GLDC: variants seen among roughly 807,000 people sequenced by gnomAD.
The protein encoded by GLDC is glycine decarboxylase, also known as glycine dehydrogenase (decarboxylating), mitochondrial.
A neutral mutation model predicts 121.3 loss-of-function variants in GLDC; 104 were observed. The observed-to-expected ratio is 0.86, with a 90% CI of 0.73 to 1.01. The LOEUF (loss-of-function observed/expected upper bound fraction) is 1.01, where lower values mean the gene tolerates loss of function less well. Among genes scored for constraint, GLDC ranks in the 50% least tolerant of loss-of-function variants. The pLI, the probability that GLDC is intolerant of heterozygous loss-of-function variation, is 0.00. For missense variants in GLDC, 1,429 were observed against 1,306.6 expected (o/e 1.09, Z -1.44); for synonymous variants, 546 against 480.6 (o/e 1.14, Z -1.78).
At chr9:6,605,371 C>T (rs928260878) in intron 5 of GLDC, 93 bp from the exon 6 acceptor site, 1 of 1,350,752 alleles carries the variant, frequency 7.4e-7, no homozygotes, top group Non-Finnish European at 1.0e-6. Context: ...CATTCATTTT[C>T]TGTGCCCTCC....
At chr9:6,641,437 G>T (rs1255184695) in intron 2 of GLDC, among the ~76,000 whole-genome samples, 1 of 152,148 alleles carries the variant, frequency 6.6e-6, no homozygotes, top group Non-Finnish European at 1.5e-5. Flanking sequence ...GGTGAGTCAG[G>T]ACAGAAGTTT....
chr9:6,641,749 T>C (rs902435275), intron 2 of GLDC, among the ~76,000 whole-genome samples: 1 of 152,250 alleles, frequency 6.6e-6, no homozygotes, highest in Non-Finnish European at 1.5e-5. Flanking sequence ...GAGTTATGTG[T>C]AATAAGTAAC....
At chr9:6,623,008 T>C (rs527427423) in intron 2 of GLDC, 40,246 of 165,790 alleles carry the variant, frequency 0.24, 6,297 homozygotes, top group East Asian at 0.46. Flanking sequence ...GGTCAGCCCC[T>C]GCCCGGCCAG....
Position 6,598,299 on chromosome 9 carries a change from G to C in GLDC, c.1156-3180C>G, listed in dbSNP as rs193223865. Among the ~76,000 whole-genome samples the C allele has an allele frequency of 2.0e-3, 304 of 152,280 alleles. 1 individual carries two copies. The highest frequency in any genetic ancestry group is 6.9e-3 in the African/African-American group (286 of 41,556). ...TCCTGCCTTGGCCTCCTAAAGTGTTGAGATTACAGGTGTGAGCCACCGCAC... is the reference window on the plus strand; with the variant it reads ...TCCTGCCTTGGCCTCCTAAAGTGTTCAGATTACAGGTGTGAGCCACCGCAC... On this transcript the variant is annotated intron_variant, in intron 8 of 24. Transcript: ENST00000321612.
In GLDC at chr9:6,590,727, T is replaced by A. The variant is rs190772421; in HGVS notation, c.1482+1416A>T. Among the ~76,000 whole-genome samples the A allele has an allele frequency of 3.3e-3, 505 of 152,322 alleles. 5 individuals carry two copies. The highest frequency in any genetic ancestry group is 0.012 in the African/African-American group (490 of 41,578). On this transcript the variant is annotated intron_variant, in intron 11 of 24. Transcript: ENST00000321612. ...TGCAAATGAACTAAAATAATGGCCC[T>A]CTTGACCCCTTAGTGATGCTCCAGA...
chr9:6,561,352 T>G (rs759101791), intron 16 of GLDC, among the ~76,000 whole-genome samples: 1 of 152,140 alleles, frequency 6.6e-6, no homozygotes, highest in African/African-American at 2.4e-5. Flanking sequence ...TTCCTCAGTT[T>G]AAAATTGTAG....
rs774693240 is a variant in GLDC at position 6,595,128 on chromosome 9, T to A, written c.1156-9A>T. 6.4e-7 allele frequency: 1 copy of A among 1,560,174 alleles called. No homozygotes were observed. Among genetic ancestry groups the A allele is most frequent in the South Asian group, 1.1e-5 (1 of 90,004 alleles). On this transcript the variant is annotated splice_polypyrimidine_tract_variant and intron_variant, in intron 8 of 24. Coordinates refer to ENST00000321612, the MANE Select transcript of GLDC (RefSeq NM_000170.3). ...ATATTCGCCAAGAGGGCCTAAAAGATAAGAACATTTAAAGAATCACGTGAT... is the reference window on the plus strand; with the variant it reads ...ATATTCGCCAAGAGGGCCTAAAAGAAAAGAACATTTAAAGAATCACGTGAT...
At chr9:6,594,461 C>A (rs1042121864) in intron 9 of GLDC, among the ~76,000 whole-genome samples, 2 of 151,938 alleles carry the variant, frequency 1.3e-5, no homozygotes, top group Non-Finnish European at 2.9e-5. Context: ...TTTGAGAGGC[C>A]AAAGTGGACG....
intron 12 of GLDC, among the ~76,000 whole-genome samples, chr9:6,588,986 C>T (rs894575773): frequency 1.3e-5 from 2 of 152,180 alleles, no homozygotes; most frequent in Non-Finnish European, 2.9e-5. Context: ...ATCCCTGCTT[C>T]CTGACTGCCA....
At chr9:6,566,607 C>T (rs1183595191) in intron 15 of GLDC, 1 of 152,142 alleles carries the variant, frequency 6.6e-6, no homozygotes, top group Non-Finnish European at 1.5e-5. Context: ...TATGCCATGA[C>T]TAACATTCCG....
intron 2 of GLDC, among the ~76,000 whole-genome samples, chr9:6,627,123 A>G (rs35376178): frequency 0.23 from 34,577 of 151,482 alleles, 3,887 homozygotes; most frequent in South Asian, 0.3. Context: ...GTGAAACCCC[A>G]TCTCTACTAA....
chr9:6,552,559 C>G (rs1364063358), intron 20 of GLDC, among the ~76,000 whole-genome samples: 2 of 152,108 alleles, frequency 1.3e-5, no homozygotes, highest in African/African-American at 4.8e-5. Context: ...CCATGCTGTT[C>G]CAGAAATAAA....
At chr9:6,645,177 G>C (rs1819716474) in intron 1 of GLDC, 68 bp downstream of exon 1, 5 of 1,448,720 alleles carry the variant, frequency 3.5e-6, no homozygotes, top group Middle Eastern at 4.8e-4. Context: ...TAGGAGCCGG[G>C]AGGCCGCGCA....
intron 17 of GLDC, among the ~76,000 whole-genome samples, chr9:6,557,170 T>A (rs1385800407): frequency 6.6e-6 from 1 of 152,192 alleles, no homozygotes; most frequent in African/African-American, 2.4e-5. Context: ...GAACGTTCCC[T>A]CAACACAAAG....
At chr9:6,615,559 G>A (rs957720496) in intron 3 of GLDC, among the ~76,000 whole-genome samples, 2 of 151,002 alleles carry the variant, frequency 1.3e-5, no homozygotes, top group East Asian at 3.9e-4. Context: ...GCTAGTCCAG[G>A]TGACAGACGG....
chr9:6,549,948 C>T lies in GLDC; in HGVS notation c.2569+855G>A, dbSNP rs535527370. On this transcript the variant is annotated intron_variant, in intron 21 of 24. Coordinates refer to ENST00000321612, the MANE Select transcript of GLDC (RefSeq NM_000170.3). ...GGGTGAAGTCCAGAGCCTTCCAAGG[C>T]CTTCAAGGCCCCACGCTACATTTCC... is the stretch of plus-strand genomic sequence containing the variant. Among the ~76,000 whole-genome samples the T allele has an allele frequency of 8.5e-5, 13 of 152,338 alleles. No homozygotes were observed. In the East Asian group the frequency reaches 2.1e-3, roughly 25 times the overall value.
Position 6,608,269 on chromosome 9 carries a change from AC to A in GLDC, c.636-1601del. Among the ~76,000 whole-genome samples, 3 of 142,428 alleles carry A rather than the reference AC, an allele frequency of 2.1e-5. No individual in the cohort carries two copies. The South Asian group carries it at 6.8e-4, about 32-fold the overall frequency. The allele number at this position is 142,428 out of a possible 152,430, so 93.4% of individuals were successfully genotyped here. A position where few individuals can be genotyped will look rare whatever the true frequency, so the allele number is the denominator to read the frequency against. On this transcript the variant is annotated intron_variant, in intron 4 of 24. Coordinates refer to ENST00000321612, the MANE Select transcript of GLDC (RefSeq NM_000170.3). ...TCTACTAAAAATACAAAAAAAAAAAACCCTTAGCCGGGCGTGGTGGCGGGCA... is the reference window on the plus strand; with the variant it reads ...TCTACTAAAAATACAAAAAAAAAAAACCTTAGCCGGGCGTGGTGGCGGGCA...
chr9:6,550,353 G>A (rs1188814566), intron 21 of GLDC, among the ~76,000 whole-genome samples: 1 of 152,190 alleles, frequency 6.6e-6, no homozygotes, highest in African/African-American at 2.4e-5. Flanking sequence ...ATGGCTGGGC[G>A]TGGTGGCTCA....
chr9:6,573,654 G>C (rs1029540577), intron 15 of GLDC, among the ~76,000 whole-genome samples: 3 of 152,096 alleles, frequency 2.0e-5, no homozygotes, highest in African/African-American at 7.2e-5. Context: ...CATCTTTGAT[G>C]TCAGACTCCC....
Sources: allele counts gnomAD v4.1 joint callset (sites outside exome capture counted in the v4.1 genomes callset), GRCh38; gene constraint gnomAD v4.1.1; transcripts MANE v1.5; gene names NCBI Gene and HGNC (gene_info 2026-07-23, HGNC 2026-07-21).